The following ARID1B variants were observed in gnomAD, a reference collection of about 807,000 sequenced individuals.
ARID1B encodes the protein AT-rich interaction domain 1B, also known as AT-rich interactive domain-containing protein 1B.
A neutral mutation model predicts 212.3 loss-of-function variants in ARID1B; 30 were observed. The observed-to-expected ratio is 0.14, with a 90% CI of 0.11 to 0.19. The LOEUF (loss-of-function observed/expected upper bound fraction) is 0.19, where lower values mean the gene tolerates loss of function less well. Ranked by LOEUF, ARID1B falls within the 10% of genes least tolerant of loss-of-function variation. The pLI, the probability that ARID1B is intolerant of heterozygous loss-of-function variation, is 1.00. For synonymous variants in ARID1B, 1,402 were observed against 1,301.7 expected (o/e 1.08, Z -1.66); for missense variants, 2,891 against 3,204.0 (o/e 0.90, Z 2.36).
intron 4 of ARID1B, among the ~76,000 whole-genome samples, chr6:156,987,416 T>C (rs112597988): frequency 0.05 from 7,658 of 151,824 alleles, 644 homozygotes; most frequent in African/African-American, 0.18. Context: ...CTGCAAGCTC[T>C]GCCTCCCGGG....
chr6:157,123,049 A>T (rs1228724350), intron 6 of ARID1B, among the ~76,000 whole-genome samples: 1 of 152,116 alleles, frequency 6.6e-6, no homozygotes, highest in African/African-American at 2.4e-5. Context: ...GGGTTGTTTC[A>T]TCCATTAAGA....
In ARID1B at chr6:156,955,113, C is replaced by T. The variant is rs988487374; in HGVS notation, c.2247+19537C>T. Among the ~76,000 whole-genome samples, 3 of 152,190 alleles carry T rather than the reference C, an allele frequency of 2.0e-5. No homozygotes were observed. Among genetic ancestry groups the T allele is most frequent in the African/African-American group, 4.8e-5 (2 of 41,444 alleles). ...CCTGCACCTGAGCTCAAGTGCTCAT[C>T]GACCCTTCCTGGCTGCTGTTGGACT... On this transcript the variant is annotated intron_variant, in intron 4 of 19. Coordinates refer to ENST00000636930, the MANE Select transcript of ARID1B (RefSeq NM_001374828.1). The surrounding 1 kb of genome is among the most constrained non-coding windows in gnomAD (Gnocchi z 4.2).
intron 4 of ARID1B, chr6:157,022,709 T>C (rs1022358947): frequency 6.6e-6 from 1 of 152,168 alleles, no homozygotes; most frequent in Non-Finnish European, 1.5e-5. Flanking sequence ...AATTTGACCA[T>C]AAATTCTAAT....
chr6:157,161,431 G>GTGTATATATATATATATATATATATATA (rs540423195), intron 8 of ARID1B, among the ~76,000 whole-genome samples: 1 of 139,380 alleles, frequency 7.2e-6, no homozygotes. Flanking sequence ...TTGTGTGTGT[G>GTGTATATATATATATATATATATATATA]TATATATATA....
intron 4 of ARID1B, among the ~76,000 whole-genome samples, chr6:156,977,299 TA>T (rs1777314749): frequency 6.6e-6 from 1 of 150,522 alleles, no homozygotes. Context: ...TTTTTTTTTT[TA>T]AACAGCAGCT....
chr6:156,822,201 T>A (rs914302259), intron 1 of ARID1B, among the ~76,000 whole-genome samples: 2 of 152,182 alleles, frequency 1.3e-5, no homozygotes, highest in Admixed American at 6.5e-5. Flanking sequence ...CATTGGAAAA[T>A]GTGACAAATA....
rs1020266907 is a variant in ARID1B at position 156,901,472 on chromosome 6, C to T, written c.2083C>T (p.Pro695Ser). Reference sequence around the variant, plus strand: ...GCAGCCGCAGCCCCCGCACCTCCCACCCCAGGCGCAGTATCTGCCGTCCCA... The same window carrying T: ...GCAGCCGCAGCCCCCGCACCTCCCATCCCAGGCGCAGTATCTGCCGTCCCA... ...SQQPQPPHLP[P>S]QAQYLPSQSQ... The change falls in exon 3 of 20, where the codon CCC becomes TCC. Residue 695 changes from proline (P) to serine (S), a missense_variant. Physicochemically the swap from Pro to Ser is moderately conservative, Grantham distance 74 (BLOSUM62 -1). Transcript: ENST00000636930. 1.2e-6 allele frequency: 2 copies of T among 1,614,106 alleles called. No homozygotes were observed. The highest frequency in any genetic ancestry group is 1.7e-6 in the Non-Finnish European group (2 of 1,180,036).
chr6:156,875,665 T>C (rs942839255), intron 2 of ARID1B, among the ~76,000 whole-genome samples: 120 of 152,364 alleles, frequency 7.9e-4, no homozygotes, highest in African/African-American at 2.9e-3. Context: ...GCCTTTTCAG[T>C]GAGCTGCTGT....
intron 2 of ARID1B, among the ~76,000 whole-genome samples, chr6:156,894,313 T>TGGGATGGGGGCCGGGGGGG (rs1282652764): frequency 2.1e-5 from 2 of 95,536 alleles, no homozygotes; most frequent in Admixed American, 9.4e-5. Flanking sequence ...GGCCGGGGGT[T>TGGGATGGGGGCCGGGGGGG]GGGATGGGGA....
At chr6:156,880,705 A>C (rs1786984486) in intron 2 of ARID1B, among the ~76,000 whole-genome samples, 3 of 138,354 alleles carry the variant, frequency 2.2e-5, no homozygotes, top group East Asian at 4.5e-4. Flanking sequence ...GTGCAACTGC[A>C]CTCCAGCCTG....
intron 12 of ARID1B, among the ~76,000 whole-genome samples, chr6:157,182,187 T>C (rs554352610): frequency 2.5e-4 from 38 of 152,246 alleles, no homozygotes; most frequent in African/African-American, 8.9e-4. Flanking sequence ...AGTTCAAGGT[T>C]ACAGTAAGCT....
intron 4 of ARID1B, among the ~76,000 whole-genome samples, chr6:156,971,499 G>A (rs1362973684): frequency 6.6e-6 from 1 of 152,148 alleles, no homozygotes; most frequent in Non-Finnish European, 1.5e-5. Context: ...GATGGGCTTG[G>A]GAGTGTGTTC....
chr6:156,788,729 C>G (rs1203922795), intron 1 of ARID1B, among the ~76,000 whole-genome samples: 1 of 152,176 alleles, frequency 6.6e-6, no homozygotes, highest in Non-Finnish European at 1.5e-5. Flanking sequence ...GTTAGGGCTG[C>G]TCTTAAATAG....
At chr6:156,984,134 G>C (rs916694512) in intron 4 of ARID1B, among the ~76,000 whole-genome samples, 5 of 152,142 alleles carry the variant, frequency 3.3e-5, no homozygotes, top group Admixed American at 1.3e-4. Context: ...GCTGGAGTTC[G>C]GAGGGGATTC....
rs190402149 is a variant in ARID1B at position 156,926,435 on chromosome 6, G to A, written c.2137-9031G>A. 5.3e-5 allele frequency among the ~76,000 whole-genome samples: 8 copies of A among 152,302 alleles called. 1 individual carries two copies. Among genetic ancestry groups the A allele is most frequent in the Admixed American group, 3.3e-4 (5 of 15,296 alleles). Reference sequence around the variant, plus strand: ...TGCTTAATGTATGTTCACAGGGGAGGAGGTTGGAGGCATAGTTTTTCAGAT... The same window carrying A: ...TGCTTAATGTATGTTCACAGGGGAGAAGGTTGGAGGCATAGTTTTTCAGAT... On this transcript the variant is annotated intron_variant, in intron 3 of 19. Transcript: ENST00000636930.
chr6:157,029,161 C>T (rs1047017125), intron 4 of ARID1B, among the ~76,000 whole-genome samples: 69 of 152,158 alleles, frequency 4.5e-4, no homozygotes, highest in Non-Finnish European at 7.9e-4. Flanking sequence ...GCATCAAATG[C>T]ATATATATGT....
intron 2 of ARID1B, among the ~76,000 whole-genome samples, chr6:156,833,049 G>A (rs901153276): frequency 6.6e-6 from 1 of 152,084 alleles, no homozygotes; most frequent in Non-Finnish European, 1.5e-5. Context: ...AGTTCAGGGG[G>A]GAAATGAATT....
At chr6:157,138,200 T>TTTGGTTGGTTGGTTGGTTGGTTGG (rs147835417) in intron 7 of ARID1B, among the ~76,000 whole-genome samples, 3 of 148,972 alleles carry the variant, frequency 2.0e-5, no homozygotes, top group African/African-American at 5.0e-5. Context: ...AACCTCCATC[T>TTTGGTTGGTTGGTTGGTTGGTTGG]TTGGTTGGTT....
chr6:157,033,439 T>C (rs900653983), intron 4 of ARID1B, among the ~76,000 whole-genome samples: 2 of 152,260 alleles, frequency 1.3e-5, no homozygotes, highest in Non-Finnish European at 2.9e-5. Flanking sequence ...ATTTTGACGA[T>C]AATGCTGCTA....
Sources: allele counts gnomAD v4.1 joint callset (sites outside exome capture counted in the v4.1 genomes callset), GRCh38; gene constraint gnomAD v4.1.1; non-coding constraint Gnocchi (gnomAD v3.1); transcripts MANE v1.5; gene names NCBI Gene and HGNC (gene_info 2026-07-23, HGNC 2026-07-21).